Variants in SIGLEC1 observed in about 807,000 individuals in gnomAD.
SIGLEC1 encodes the protein sialoadhesin.
In SIGLEC1, 132 loss-of-function variants were observed where a neutral mutation model predicts 148.0. That is an observed-to-expected ratio of 0.89 (90% CI 0.77 to 1.03). The LOEUF is 1.03. SIGLEC1 is among the 50% of genes least tolerant of loss of function. The pLI is 0.00. For missense variants in SIGLEC1, 2,253 were observed against 2,271.4 expected (o/e 0.99, Z 0.16); for synonymous variants, 945 against 969.0 (o/e 0.98, Z 0.46).
intron 6 of SIGLEC1, 149 bp from the exon 7 acceptor site, chr20:3,701,790 C>T: frequency 2.7e-6 from 2 of 736,146 alleles, no homozygotes; most frequent in Non-Finnish European, 4.1e-6. Context: ...CTGCTGAATA[C>T]ACTTTTGTCC....
intron 17 of SIGLEC1, 125 bp downstream of exon 17, chr20:3,691,778 A>T (rs2088766256): frequency 2.9e-6 from 4 of 1,357,188 alleles, no homozygotes; most frequent in Non-Finnish European, 4.0e-6. Context: ...CCTCCACCAG[A>T]TTAGGCTTCT....
intron 17 of SIGLEC1, 143 bp from the exon 18 acceptor site, chr20:3,691,743 G>T: frequency 7.5e-7 from 1 of 1,329,262 alleles, no homozygotes; most frequent in Non-Finnish European, 1.0e-6. Context: ...GTGGAACCAT[G>T]CCCCCTCCAG....
chr20:3,690,103 G>C lies in SIGLEC1; in HGVS notation c.4753C>G (p.Pro1585Ala), dbSNP rs1366691133. The change falls in exon 19 of 22, where the codon CCA becomes GCA. Residue 1585 changes from proline (P) to alanine (A), a missense_variant. Pro to Ala is a conservative substitution (Grantham distance 27). Coordinates refer to ENST00000344754, the MANE Select transcript of SIGLEC1 (RefSeq NM_023068.4). ...SSQPQGAPAE[P>A]HIHVLASPNA... Reference sequence around the variant, plus strand: ...GGGGAAGCCAGGACATGGATGTGTGGCTCTGCAGGAGCACCCTGGGGCTGA... The same window carrying C: ...GGGGAAGCCAGGACATGGATGTGTGCCTCTGCAGGAGCACCCTGGGGCTGA... The C allele has an allele frequency of 4.3e-6, 7 of 1,611,218 alleles. No individual in the cohort carries two copies. Among genetic ancestry groups the C allele is most frequent in the Non-Finnish European group, 5.9e-6 (7 of 1,179,228 alleles).
In SIGLEC1 at chr20:3,694,366, G is replaced by C; in HGVS notation, c.3111C>G (p.Ser1037Arg). ...CCACAGCCACATGCAGCCTGGGAGA[G>C]CTGCCTTCGGGTCCCCCCACACCTT... ...TLQGVGGPEG[S>R]SPRLHVAVAP... Residue 1037 changes from serine (S) to arginine (R), a missense_variant, in exon 13 of 22, where the codon AGC becomes AGG. By Grantham distance (110) the Ser-to-Arg change is moderately radical (BLOSUM62 -1). Transcript: ENST00000344754. 4 of 1,613,246 alleles carry C rather than the reference G, an allele frequency of 2.5e-6. No individual in the cohort carries two copies. The highest frequency in any genetic ancestry group is 3.4e-6 in the Non-Finnish European group (4 of 1,179,938).
In SIGLEC1 at chr20:3,691,291, G is replaced by A. The variant is rs774865232; in HGVS notation, c.4591+49C>T. 1.9e-6 allele frequency: 3 copies of A among 1,600,904 alleles called. No individual in the cohort carries two copies. In the East Asian group the frequency reaches 6.7e-5, roughly 36 times the overall value. On this transcript the variant is annotated intron_variant, in intron 18 of 21. Coordinates refer to ENST00000344754, the MANE Select transcript of SIGLEC1 (RefSeq NM_023068.4). ...AGAAGAGGAGGAAGAACTGAGGTGG[G>A]CGTGTGAGATGTGGGGAGACTAAGG...
intron 6 of SIGLEC1, among the ~76,000 whole-genome samples, chr20:3,701,927 C>G (rs943547635): frequency 1.3e-5 from 2 of 152,226 alleles, no homozygotes; most frequent in African/African-American, 4.8e-5. Context: ...GACAGCACCT[C>G]AGCCAGGTGA....
chr20:3,703,425 C>T lies in SIGLEC1; in HGVS notation c.1000G>A (p.Gly334Ser). The T allele has an allele frequency of 6.3e-7, 1 of 1,584,016 alleles. No individual in the cohort carries two copies. Among genetic ancestry groups the T allele is most frequent in the Non-Finnish European group, 8.6e-7 (1 of 1,163,432 alleles). ...FMAEVQVSPA[G>S]PILENQTVTL... ...ACTGTCTGGTTCTCCAGGATGGGAC[C>T]TGCTGGGCTCACCTGGACCTCAGCC... The change falls in exon 6 of 22, where the codon GGT (glycine) becomes AGT (serine). Residue 334 changes from glycine (G) to serine (S), a missense_variant. Transcript: ENST00000344754.
intron 8 of SIGLEC1, 122 bp from the exon 9 acceptor site, chr20:3,698,255 C>T: frequency 1.1e-6 from 1 of 878,904 alleles, no homozygotes; most frequent in South Asian, 1.9e-5. Context: ...AGCAGCTGTG[C>T]AGACTGTGCA....
At chr20:3,691,679 G>T (rs961805515) in intron 17 of SIGLEC1, 79 bp from the exon 18 acceptor site, 4 of 1,519,898 alleles carry the variant, frequency 2.6e-6, no homozygotes, top group Admixed American at 1.8e-5. Flanking sequence ...CCTCTGAGGG[G>T]CCTCTGCACA....
chr20:3,693,808 C>T, intron 13 of SIGLEC1, 110 bp from the exon 14 acceptor site: 1 of 1,228,324 alleles, frequency 8.1e-7, no homozygotes, highest in Non-Finnish European at 1.1e-6. Flanking sequence ...GCCCCTTGGC[C>T]TTTGGGAGCC....
chr20:3,707,533 C>T (rs750428749), intron 1 of SIGLEC1, among the ~76,000 whole-genome samples: 6 of 152,180 alleles, frequency 3.9e-5, no homozygotes, highest in Non-Finnish European at 8.8e-5. Flanking sequence ...CCCAAACCAA[C>T]AGGAACTGGA....
chr20:3,688,184 C>G lies in SIGLEC1; in HGVS notation c.*376G>C, dbSNP rs2088717614. The G allele has an allele frequency of 3.1e-6, 1 of 324,650 alleles. No individual in the cohort carries two copies. The highest frequency in any genetic ancestry group is 4.6e-5 in the Admixed American group (1 of 21,576). The allele number at this position is 324,650 out of a possible 1,614,324, so 20.1% of individuals were successfully genotyped here. On this transcript the variant is annotated 3_prime_UTR_variant, in exon 22 of 22. Transcript: ENST00000344754. ...CTGATACTCTGTTGAATACAGAATG[C>G]CTTGGTGAGCCTCTGAGGATGCAGG...
intron 6 of SIGLEC1, among the ~76,000 whole-genome samples, chr20:3,702,243 A>T (rs2087858082): frequency 1.3e-5 from 2 of 152,234 alleles, no homozygotes. Context: ...TACAAAAGAC[A>T]GTATTAGGTC....
chr20:3,710,258 C>G lies in SIGLEC1; in HGVS notation c.-110+2212G>C, dbSNP rs374347746. 1.3e-5 allele frequency among the ~76,000 whole-genome samples: 2 copies of G among 152,214 alleles called. No homozygotes were observed. The highest frequency in any genetic ancestry group is 3.9e-4 in the East Asian group (2 of 5,154). ...GGTCACACCTGGGAAGGGGGTGAGC[C>G]GAGGCCCAGGGCCAGTCAGGCTGAC... On this transcript the variant is annotated intron_variant, in intron 1 of 21. Transcript: ENST00000344754. This position sits in a 1 kb window ranked among gnomAD's most constrained non-coding sequence, Gnocchi z 4.6.
chr20:3,697,859 G>T lies in SIGLEC1; in HGVS notation c.2061C>A (p.Tyr687Ter). Residue 687 changes from tyrosine (Y) to a stop codon, truncating the protein, a stop_gained, in exon 9 of 22, where the codon TAC (tyrosine) becomes TAA (stop). Transcript: ENST00000344754. LOFTEE classifies it high-confidence loss of function. ...CCAGGGCATTGCTGGCCTCACAGAGGTACAAGCCCTCCTCTTCCAGCAAAG... is the reference window on the plus strand; with the variant it reads ...CCAGGGCATTGCTGGCCTCACAGAGTTACAAGCCCTCCTCTTCCAGCAAAG... ...HNPLLEEEGLYLCEASNALGN... is the reference protein window; with the variant it reads ...HNPLLEEEGL 2 of 1,613,112 alleles carry T rather than the reference G, an allele frequency of 1.2e-6. No individual in the cohort carries two copies. The highest frequency in any genetic ancestry group is 2.2e-5 in the South Asian group (2 of 91,076).
intron 18 of SIGLEC1, among the ~76,000 whole-genome samples, chr20:3,691,061 C>T (rs1392514958): frequency 6.6e-6 from 1 of 152,114 alleles, no homozygotes; most frequent in Non-Finnish European, 1.5e-5. Context: ...GAACTCCTGA[C>T]CTCAAGTGAT....
rs558434254 is a variant in SIGLEC1, at chr20:3,710,290, G to A, written c.-110+2180C>T. ...CAGGGCCAGTCAGGCTGACCAGGTGGGACTTAGCCTGCTGCAGAAGGCAGA... is the reference window on the plus strand; with the variant it reads ...CAGGGCCAGTCAGGCTGACCAGGTGAGACTTAGCCTGCTGCAGAAGGCAGA... On this transcript the variant is annotated intron_variant, in intron 1 of 21. Coordinates refer to ENST00000344754, the MANE Select transcript of SIGLEC1 (RefSeq NM_023068.4). This position sits in a 1 kb window ranked among gnomAD's most constrained non-coding sequence, Gnocchi z 4.6. 6.6e-6 allele frequency among the ~76,000 whole-genome samples: 1 copy of A among 152,310 alleles called. No homozygotes were observed. The highest frequency in any genetic ancestry group is 6.5e-5 in the Admixed American group (1 of 15,304).
In SIGLEC1 at chr20:3,696,869, C is replaced by G; in HGVS notation, c.2400G>C (p.Lys800Asn). The change falls in exon 11 of 22, where the codon AAG (lysine) becomes AAC (asparagine). Residue 800 changes from lysine to asparagine, a missense_variant. Transcript: ENST00000344754. The part of the protein sequence containing the change: ...LSVLYPPDRP[K>N]LSALLDMGQG... ...GGCCCATGTCTAGGAGGGCTGACAGCTTTGGACGGTCCGGGGGATCTGCAG... is the reference window on the plus strand; with the variant it reads ...GGCCCATGTCTAGGAGGGCTGACAGGTTTGGACGGTCCGGGGGATCTGCAG... 1.3e-6 allele frequency: 2 copies of G among 1,561,286 alleles called. No individual in the cohort carries two copies. Among genetic ancestry groups the G allele is most frequent in the Admixed American group, 1.9e-5 (1 of 53,984 alleles).
intron 14 of SIGLEC1, 99 bp downstream of exon 14, chr20:3,693,348 G>T: frequency 1.5e-6 from 2 of 1,361,342 alleles, no homozygotes; most frequent in Non-Finnish European, 9.9e-7. Context: ...ACTGGGTACC[G>T]AGTTCCCCAC....
Sources: gnomAD v4.1 joint callset for allele counts (sites outside exome capture counted in the v4.1 genomes callset) on GRCh38, gnomAD v4.1.1 for gene constraint, Gnocchi (gnomAD v3.1) non-coding constraint, MANE v1.5 for transcripts, NCBI Gene and HGNC (gene_info 2026-07-23, HGNC 2026-07-21) for gene names.